ABLIM1: variants seen among roughly 807,000 people sequenced by gnomAD.
The protein encoded by ABLIM1 is actin-binding LIM protein 1.
A neutral mutation model predicts 107.0 loss-of-function variants in ABLIM1; 40 were observed. The observed-to-expected ratio is 0.37, with a 90% confidence interval of 0.29 to 0.49. The LOEUF (loss-of-function observed/expected upper bound fraction) is 0.49, where lower values mean the gene tolerates loss of function less well. Among genes scored for constraint, ABLIM1 ranks in the 20% least tolerant of loss-of-function variants. The pLI is 0.97. For missense variants in ABLIM1, 857 were observed against 1,008.5 expected (o/e 0.85, Z 2.04); for synonymous variants, 357 against 357.3 (o/e 1.00, Z 0.01).
chr10:114,651,753 A>C (rs1300276558), intron 1 of ABLIM1, among the ~76,000 whole-genome samples: 1 of 152,242 alleles, frequency 6.6e-6, no homozygotes, highest in African/African-American at 2.4e-5. Flanking sequence ...CTCTCCATTC[A>C]TGCCCTTGCA....
chr10:114,640,557 AC>A (rs201491091), intron 1 of ABLIM1, among the ~76,000 whole-genome samples: 13 of 151,848 alleles, frequency 8.6e-5, no homozygotes, highest in African/African-American at 2.9e-4. Context: ...AACAACAACA[AC>A]AACAACAAAA....
chr10:114,644,085 C>T (rs544670782), intron 1 of ABLIM1, among the ~76,000 whole-genome samples: 1,579 of 150,016 alleles, frequency 0.011, 28 homozygotes, highest in African/African-American at 0.035. Context: ...ATAGAGACCA[C>T]CCTGGCTAAC....
At chr10:114,592,865 T>C (rs2075040963) in intron 2 of ABLIM1, among the ~76,000 whole-genome samples, 2 of 151,820 alleles carry the variant, frequency 1.3e-5, no homozygotes, top group South Asian at 4.2e-4. Flanking sequence ...AAGAAGAAGG[T>C]TGGGGTGGGT....
chr10:114,589,598 A>G (rs1187425981), intron 2 of ABLIM1, among the ~76,000 whole-genome samples: 1 of 151,276 alleles, frequency 6.6e-6, no homozygotes, highest in African/African-American at 2.4e-5. Flanking sequence ...GTGGCTAATC[A>G]CAGGTGCGAT....
chr10:114,466,441 C>G (rs1185967564), intron 11 of ABLIM1, among the ~76,000 whole-genome samples: 2 of 133,136 alleles, frequency 1.5e-5, no homozygotes, highest in Non-Finnish European at 3.3e-5. Flanking sequence ...GTTCACATAC[C>G]TACCAGATCT....
rs2061279014 is a variant in ABLIM1 at position 114,447,943 on chromosome 10, G to C, written c.1672C>G (p.Pro558Ala). Residue 558 changes from proline to alanine, a missense_variant, in exon 15 of 23, where the codon CCC becomes GCC. Coordinates refer to ENST00000533213, the MANE Select transcript of ABLIM1 (RefSeq NM_002313.7). ...GTCTCAATCTTTGGTGTCTCGCTGG[G>C]GTCTGGTGCCTGGGCTGCTGGGAAC... ...SKFPAAQAPD[P>A]SETPKIETDH... The C allele has an allele frequency of 1.9e-6, 3 of 1,614,048 alleles. No homozygotes were observed. In the East Asian group the frequency reaches 6.7e-5, roughly 36 times the overall value.
intron 1 of ABLIM1, among the ~76,000 whole-genome samples, chr10:114,706,202 G>A (rs2081417240): frequency 6.6e-6 from 1 of 152,204 alleles, no homozygotes; most frequent in South Asian, 2.1e-4. Flanking sequence ...ATACAAATCA[G>A]TATAGCAAAG....
chr10:114,788,294 C>T, the ABLIM1 span, among the ~76,000 whole-genome samples: 1 of 142,758 alleles, frequency 7.0e-6, no homozygotes, highest in Admixed American at 7.0e-5. Flanking sequence ...CTGCCAAATC[C>T]CCCTCTGCGA....
At chr10:114,717,313 T>G (rs1289365614) in intron 1 of ABLIM1, among the ~76,000 whole-genome samples, 1 of 152,218 alleles carries the variant, frequency 6.6e-6, no homozygotes, top group African/African-American at 2.4e-5. Context: ...TTACTTGTGG[T>G]CATTCCTGTC....
intron 1 of ABLIM1, among the ~76,000 whole-genome samples, chr10:114,634,207 A>ACTG (rs1465320146): frequency 1.2e-4 from 15 of 120,416 alleles, no homozygotes; most frequent in African/African-American, 4.6e-4. Flanking sequence ...ATCTCGGCTC[A>ACTG]CTGCAAGCTC....
chr10:114,450,564 T>C (rs1565288199), intron 14 of ABLIM1, among the ~76,000 whole-genome samples: 1 of 151,754 alleles, frequency 6.6e-6, no homozygotes, highest in South Asian at 2.1e-4. Context: ...GCCTCCCATG[T>C]GGCTGAGATT....
chr10:114,544,186 C>T (rs970072467), intron 6 of ABLIM1, among the ~76,000 whole-genome samples: 2 of 152,192 alleles, frequency 1.3e-5, no homozygotes, highest in Non-Finnish European at 1.5e-5. Context: ...CAAGCTGCAG[C>T]ACCTGTAGTC....
Position 114,441,153 on chromosome 10 carries a change from T to C in ABLIM1, c.1999-76A>G, listed in dbSNP as rs1314088533. ...GAGTCAGGTGAAAAGGAAGAAAGAG[T>C]TTACAAAATCCTAGGAATTCTTCCC... is the stretch of plus-strand genomic sequence containing the variant. On this transcript the variant is annotated intron_variant, in intron 18 of 22. Coordinates refer to ENST00000533213, the MANE Select transcript of ABLIM1 (RefSeq NM_002313.7). 17 of 1,438,948 alleles carry C rather than the reference T, an allele frequency of 1.2e-5. No individual in the cohort carries two copies. In the Middle Eastern group the frequency reaches 6.6e-4, roughly 56 times the overall value. The allele number at this position is 1,438,948 out of a possible 1,614,324, so 89.1% of individuals were successfully genotyped here.
At chr10:114,788,302 C>T in the ABLIM1 span, among the ~76,000 whole-genome samples, 37 of 133,526 alleles carry the variant, frequency 2.8e-4, no homozygotes, top group African/African-American at 6.3e-4. Flanking sequence ...TCCCCCTCTG[C>T]GAGAAACACC....
the ABLIM1 span, among the ~76,000 whole-genome samples, chr10:114,786,001 T>TTAC: frequency 6.6e-6 from 1 of 152,190 alleles, no homozygotes; most frequent in African/African-American, 2.4e-5. Flanking sequence ...AGTGCTGGGA[T>TTAC]TACAGGCATG....
chr10:114,717,329 C>G (rs2081692455), intron 1 of ABLIM1, among the ~76,000 whole-genome samples: 1 of 152,116 alleles, frequency 6.6e-6, no homozygotes, highest in Non-Finnish European at 1.5e-5. Context: ...CTGTCTATCA[C>G]CCAAATACAA....
chr10:114,586,913 T>C (rs1417131881), intron 2 of ABLIM1, among the ~76,000 whole-genome samples: 1 of 152,224 alleles, frequency 6.6e-6, no homozygotes, highest in Non-Finnish European at 1.5e-5. Context: ...AGGAATTAGA[T>C]AATACAATTT....
chr10:114,453,437 T>C lies in ABLIM1; in HGVS notation c.1488A>G (p.Pro496=). The change falls in exon 13 of 23, where the codon CCA becomes CCG. Residue 496 remains proline (P), a synonymous_variant. Coordinates refer to ENST00000533213, the MANE Select transcript of ABLIM1 (RefSeq NM_002313.7). ...AAGTTGGAGTTAGAGGGCGGCTGTC[T>C]GGCCGGTAAGGGAGAGGGGAGTTCC... The part of the protein sequence containing the change: ...SGRNSPLPYR[P]DSRPLTPTYA... 3 of 1,613,584 alleles carry C rather than the reference T, an allele frequency of 1.9e-6. No homozygotes were observed. The highest frequency in any genetic ancestry group is 1.7e-6 in the Non-Finnish European group (2 of 1,179,668).
At chr10:114,503,215 C>T (rs1590583768) in intron 6 of ABLIM1, among the ~76,000 whole-genome samples, 1 of 152,232 alleles carries the variant, frequency 6.6e-6, no homozygotes, top group East Asian at 1.9e-4. Context: ...ATTTGGGAGG[C>T]CGAGGCAGGT....
Sources: gnomAD v4.1 joint callset for allele counts (sites outside exome capture counted in the v4.1 genomes callset) on GRCh38, gnomAD v4.1.1 for gene constraint, MANE v1.5 for transcripts, NCBI Gene and HGNC (gene_info 2026-07-23, HGNC 2026-07-21) for gene names.